STPG2: variants seen among roughly 807,000 people sequenced by gnomAD.
STPG2 encodes sperm-tail PG-rich repeat-containing protein 2.
STPG2 carries 56 observed loss-of-function variants against 54.2 expected under a neutral mutation model. The ratio of observed to expected loss-of-function variants is 1.03; its 90% CI spans 0.83 to 1.29. STPG2 has a LOEUF of 1.29. Among genes scored for constraint, STPG2 ranks in the 50% most tolerant of loss-of-function variants. The probability of loss-of-function intolerance (pLI) is 0.00; values close to 1 mark genes in which losing one functional copy is unlikely to be tolerated. For missense variants in STPG2, 596 were observed against 544.9 expected (o/e 1.09, Z -0.93); for synonymous variants, 200 against 181.8 (o/e 1.10, Z -0.81).
chr4:98,071,366 C>G (rs554173239), intron 5 of STPG2, among the ~76,000 whole-genome samples: 1 of 151,904 alleles, frequency 6.6e-6, no homozygotes, highest in Non-Finnish European at 1.5e-5. Context: ...GCTAGCCATA[C>G]GCAGAAAATT....
At chr4:98,141,962 A>AAAC (rs1740297316) in intron 1 of STPG2, among the ~76,000 whole-genome samples, 1 of 151,358 alleles carries the variant, frequency 6.6e-6, no homozygotes, top group African/African-American at 2.4e-5. Flanking sequence ...AAAAAAAAAA[A>AAAC]CAGGAGGAAA....
intron 8 of STPG2, among the ~76,000 whole-genome samples, chr4:97,853,655 C>A (rs1729239943): frequency 2.0e-5 from 3 of 152,190 alleles, no homozygotes. Context: ...CTTTTAACTT[C>A]ATACGAATCA....
chr4:97,773,641 C>T (rs903935673), intron 9 of STPG2, among the ~76,000 whole-genome samples: 1 of 151,850 alleles, frequency 6.6e-6, no homozygotes, highest in South Asian at 2.1e-4. Context: ...AATATGTTGG[C>T]AAAAATAGTC....
intron 8 of STPG2, among the ~76,000 whole-genome samples, chr4:97,860,589 G>A (rs1057217289): frequency 6.6e-6 from 1 of 151,620 alleles, no homozygotes; most frequent in African/African-American, 2.4e-5. Flanking sequence ...GGTCACTGTT[G>A]ATGTAGAGCC....
intron 10 of STPG2, among the ~76,000 whole-genome samples, chr4:97,698,715 G>A (rs1321536970): frequency 1.3e-5 from 2 of 152,042 alleles, no homozygotes; most frequent in African/African-American, 4.8e-5. Context: ...AGCATTCATG[G>A]CCTTCTGGAA....
intron 4 of STPG2, among the ~76,000 whole-genome samples, chr4:97,460,860 G>A (rs946991223): frequency 6.6e-6 from 1 of 152,080 alleles, no homozygotes; most frequent in Non-Finnish European, 1.5e-5. Context: ...TAGATAAATG[G>A]AATCACACAG....
intron 5 of STPG2, among the ~76,000 whole-genome samples, chr4:98,076,646 GT>G (rs2110112185): frequency 6.6e-6 from 1 of 152,202 alleles, no homozygotes; most frequent in Admixed American, 6.5e-5. Flanking sequence ...CAATCCTCAT[GT>G]TCCCTGCTGA....
chr4:97,951,945 A>C (rs1454536745), intron 7 of STPG2, among the ~76,000 whole-genome samples: 1 of 152,080 alleles, frequency 6.6e-6, no homozygotes, highest in Non-Finnish European at 1.5e-5. Context: ...TCAGAGAAGT[A>C]CACTGAGGTC....
intron 7 of STPG2, among the ~76,000 whole-genome samples, chr4:97,948,737 A>T (rs546920083): frequency 6.6e-6 from 1 of 151,966 alleles, no homozygotes; most frequent in Non-Finnish European, 1.5e-5. Flanking sequence ...TTTCTTCTGG[A>T]GTTGATTTCT....
At chr4:97,467,105 C>T (rs1729805931) in intron 4 of STPG2, among the ~76,000 whole-genome samples, 1 of 151,884 alleles carries the variant, frequency 6.6e-6, no homozygotes, top group African/African-American at 2.4e-5. Flanking sequence ...AAAAAGGTCA[C>T]AAGAATTGCA....
intron 9 of STPG2, among the ~76,000 whole-genome samples, chr4:97,838,689 C>T (rs1396798081): frequency 6.6e-6 from 1 of 151,302 alleles, no homozygotes; most frequent in Non-Finnish European, 1.5e-5. Flanking sequence ...ATTGAATTGG[C>T]CCTGGGCACC....
At chr4:97,849,923 A>T (rs984062785) in intron 8 of STPG2, among the ~76,000 whole-genome samples, 9 of 152,238 alleles carry the variant, frequency 5.9e-5, no homozygotes, top group Middle Eastern at 3.4e-3. Context: ...ATTACTGGGT[A>T]TATACCCAAA....
At chr4:97,864,403 AAGG>A (rs1729681989) in intron 8 of STPG2, among the ~76,000 whole-genome samples, 1 of 152,210 alleles carries the variant, frequency 6.6e-6, no homozygotes, top group Admixed American at 6.5e-5. Flanking sequence ...GGATCTCTTC[AAGG>A]AGAACTACAA....
At chr4:97,827,841 A>C (rs1377344188) in intron 9 of STPG2, among the ~76,000 whole-genome samples, 1 of 152,038 alleles carries the variant, frequency 6.6e-6, no homozygotes, top group African/African-American at 2.4e-5. Flanking sequence ...TTGCCCATAC[A>C]ATCTCTATCC....
At chr4:97,852,056 A>T (rs1729176378) in intron 8 of STPG2, among the ~76,000 whole-genome samples, 1 of 152,206 alleles carries the variant, frequency 6.6e-6, no homozygotes, top group Non-Finnish European at 1.5e-5. Flanking sequence ...GAAATTCTTT[A>T]AAAAGGACAT....
At chr4:97,542,186 T>C (rs1266128002) in intron 4 of STPG2, among the ~76,000 whole-genome samples, 1 of 152,140 alleles carries the variant, frequency 6.6e-6, no homozygotes, top group Admixed American at 6.5e-5. Context: ...ACAGGCAACT[T>C]ACAGAATGGG....
At chr4:97,544,035 T>C (rs1342600216) in intron 4 of STPG2, among the ~76,000 whole-genome samples, 2 of 152,096 alleles carry the variant, frequency 1.3e-5, no homozygotes, top group Non-Finnish European at 2.9e-5. Context: ...AAGAAAACTG[T>C]ACAGAGAGGT....
At chr4:97,743,405 G>A (rs565942566) in intron 9 of STPG2, among the ~76,000 whole-genome samples, 1 of 151,592 alleles carries the variant, frequency 6.6e-6, no homozygotes, top group Non-Finnish European at 1.5e-5. Context: ...CACTTACATA[G>A]ACTTATTGTT....
chr4:97,733,753 G>A (rs1724882664), intron 9 of STPG2, among the ~76,000 whole-genome samples: 1 of 152,042 alleles, frequency 6.6e-6, no homozygotes, highest in Non-Finnish European at 1.5e-5. Flanking sequence ...ACTCCATGCA[G>A]GGTTCCCAGC....
Sources: allele counts gnomAD v4.1 joint callset (sites outside exome capture counted in the v4.1 genomes callset), GRCh38; gene constraint gnomAD v4.1.1; transcripts MANE v1.5; gene names NCBI Gene and HGNC (gene_info 2026-07-23, HGNC 2026-07-21).